LRRC4C: variants seen among roughly 807,000 people sequenced by gnomAD.
LRRC4C encodes the protein leucine-rich repeat-containing protein 4C.
LRRC4C carries 5 observed loss-of-function variants against 33.6 expected under a neutral mutation model. The ratio of observed to expected loss-of-function variants is 0.15; its 90% CI spans 0.08 to 0.31. The LOEUF (loss-of-function observed/expected upper bound fraction) is 0.31, where lower values mean the gene tolerates loss of function less well. LRRC4C is among the 10% of genes least tolerant of loss of function. The probability of loss-of-function intolerance (pLI) is 1.00; values close to 1 mark genes in which losing one functional copy is unlikely to be tolerated. For missense variants in LRRC4C, 560 were observed against 796.7 expected, an observed-to-expected ratio of 0.70 and a Z score of 3.58; for synonymous variants, 329 against 302.0, an observed-to-expected ratio of 1.09 and a Z score of -0.93.
intron 2 of LRRC4C, among the ~76,000 whole-genome samples, chr11:40,824,874 A>G (rs745786174): frequency 2.5e-4 from 38 of 152,056 alleles, no homozygotes; most frequent in South Asian, 4.1e-4. Context: ...ATGCCTTTTT[A>G]CAATATACGT....
At chr11:40,814,903 A>G (rs1951644071) in intron 2 of LRRC4C, among the ~76,000 whole-genome samples, 1 of 152,118 alleles carries the variant, frequency 6.6e-6, no homozygotes, top group African/African-American at 2.4e-5. Context: ...GGTCAAAGCT[A>G]TTCAACAATC....
intron 2 of LRRC4C, among the ~76,000 whole-genome samples, chr11:40,919,059 A>G (rs745793917): frequency 6.6e-6 from 1 of 152,178 alleles, no homozygotes; most frequent in Non-Finnish European, 1.5e-5. Context: ...TCTGAATCCT[A>G]GTATTCTAAC....
At chr11:40,873,835 G>A (rs749442525) in intron 2 of LRRC4C, among the ~76,000 whole-genome samples, 2 of 152,036 alleles carry the variant, frequency 1.3e-5, no homozygotes, top group African/African-American at 2.4e-5. Context: ...TCGAATTACA[G>A]ACTTCTAATA....
At chr11:41,435,183 G>A (rs1344545108) in intron 1 of LRRC4C, among the ~76,000 whole-genome samples, 2 of 152,112 alleles carry the variant, frequency 1.3e-5, no homozygotes, top group Non-Finnish European at 2.9e-5. Flanking sequence ...AGAGCTGCAG[G>A]ATTGAAGATA....
intron 3 of LRRC4C, among the ~76,000 whole-genome samples, chr11:40,641,422 T>G (rs1473962148): frequency 6.6e-6 from 1 of 152,160 alleles, no homozygotes; most frequent in Admixed American, 6.5e-5. Flanking sequence ...CTATTTATTT[T>G]ATAGCTCTAG....
intron 2 of LRRC4C, among the ~76,000 whole-genome samples, chr11:40,882,619 G>T (rs1021334756): frequency 1.3e-5 from 2 of 151,814 alleles, no homozygotes; most frequent in Middle Eastern, 3.4e-3. Context: ...CTTATCTAAG[G>T]CTCCAGATGC....
chr11:41,443,089 A>ATTTTTTTTTTTTTTTTTTTTTTCTTCCTT, intron 1 of LRRC4C, among the ~76,000 whole-genome samples: 1 of 105,994 alleles, frequency 9.4e-6, no homozygotes, highest in Non-Finnish European at 1.8e-5. Context: ...TGTTTGCTTC[A>ATTTTTTTTTTTTTTTTTTTTTTCTTCCTT]TTTTTTTTTT....
intron 1 of LRRC4C, among the ~76,000 whole-genome samples, chr11:41,171,270 T>C (rs895297145): frequency 5.3e-5 from 8 of 152,116 alleles, no homozygotes; most frequent in Non-Finnish European, 7.4e-5. Flanking sequence ...ACCCAAAGGA[T>C]TGTAAATCAT....
chr11:40,540,480 A>G (rs1190658237), intron 3 of LRRC4C, among the ~76,000 whole-genome samples: 2 of 152,132 alleles, frequency 1.3e-5, no homozygotes, highest in African/African-American at 2.4e-5. Context: ...TGTCAGGAGT[A>G]TTGTAGATCC....
intron 3 of LRRC4C, among the ~76,000 whole-genome samples, chr11:40,646,109 G>T (rs1441811768): frequency 6.6e-6 from 1 of 150,766 alleles, no homozygotes; most frequent in Non-Finnish European, 1.5e-5. Flanking sequence ...TGAAATAAAT[G>T]GTGTGGTTTC....
At chr11:40,945,034 T>G (rs1958331646) in intron 1 of LRRC4C, among the ~76,000 whole-genome samples, 1 of 147,060 alleles carries the variant, frequency 6.8e-6, no homozygotes, top group African/African-American at 2.5e-5. Flanking sequence ...TTTTTTTTTT[T>G]TTTTTTTTTT....
At chr11:40,520,617 T>C (rs1955769377) in intron 3 of LRRC4C, among the ~76,000 whole-genome samples, 1 of 152,136 alleles carries the variant, frequency 6.6e-6, no homozygotes, top group Non-Finnish European at 1.5e-5. Flanking sequence ...TAGTAATATC[T>C]AAGATCAGTA....
chr11:40,933,400 T>G (rs1216129295), intron 2 of LRRC4C, among the ~76,000 whole-genome samples: 3 of 152,256 alleles, frequency 2.0e-5, no homozygotes, highest in African/African-American at 7.2e-5. Context: ...TTTACAAACA[T>G]GGACTATTCC....
At chr11:40,417,575 T>C (rs999887972) in intron 3 of LRRC4C, among the ~76,000 whole-genome samples, 1 of 151,966 alleles carries the variant, frequency 6.6e-6, no homozygotes, top group Non-Finnish European at 1.5e-5. Flanking sequence ...TGCCCACCTC[T>C]GCCTGACTTC....
At chr11:41,254,981 T>TAA (rs1948753655) in intron 1 of LRRC4C, among the ~76,000 whole-genome samples, 1 of 152,004 alleles carries the variant, frequency 6.6e-6, no homozygotes, top group Non-Finnish European at 1.5e-5. Context: ...TTCAGAATGT[T>TAA]AAAACGATTA....
intron 2 of LRRC4C, among the ~76,000 whole-genome samples, chr11:40,737,983 A>G (rs1033369917): frequency 6.6e-6 from 1 of 152,180 alleles, no homozygotes; most frequent in Non-Finnish European, 1.5e-5. Context: ...TTGCAAGGCT[A>G]CAGTAACCAA....
At chr11:41,169,414 C>G (rs1944871093) in intron 1 of LRRC4C, among the ~76,000 whole-genome samples, 1 of 152,120 alleles carries the variant, frequency 6.6e-6, no homozygotes, top group Non-Finnish European at 1.5e-5. Context: ...GTACTAGGAG[C>G]TTGTTGTATG....
intron 6 of LRRC4C, among the ~76,000 whole-genome samples, chr11:40,130,094 G>A (rs1479703385): frequency 6.6e-6 from 1 of 152,078 alleles, no homozygotes; most frequent in East Asian, 1.9e-4. Context: ...TCAAATTATA[G>A]GGTGGAATTT....
At chr11:41,416,501 T>A (rs1395880673) in intron 1 of LRRC4C, among the ~76,000 whole-genome samples, 1 of 152,064 alleles carries the variant, frequency 6.6e-6, no homozygotes, top group Non-Finnish European at 1.5e-5. Flanking sequence ...TCTGTATTGA[T>A]GTAGCATTAA....
Sources: allele counts gnomAD v4.1 joint callset (sites outside exome capture counted in the v4.1 genomes callset), GRCh38; gene constraint gnomAD v4.1.1; transcripts MANE v1.5; gene names NCBI Gene and HGNC (gene_info 2026-07-23, HGNC 2026-07-21).